The following TENM4 variants were observed in gnomAD, a reference collection of about 807,000 sequenced individuals.
TENM4 encodes teneurin transmembrane protein 4, also known as teneurin-4.
TENM4 carries 82 observed loss-of-function variants against 243.3 expected under a neutral mutation model. The ratio of observed to expected loss-of-function variants is 0.34; its 90% CI spans 0.28 to 0.40. TENM4 has a LOEUF of 0.40. Among genes scored for constraint, TENM4 ranks in the 10% least tolerant of loss-of-function variants. The probability of loss-of-function intolerance (pLI) is 1.00; values close to 1 mark genes in which losing one functional copy is unlikely to be tolerated. For synonymous variants in TENM4, 1,412 were observed against 1,456.3 expected (o/e 0.97, Z 0.69); for missense variants, 3,138 against 3,673.3 (o/e 0.85, Z 3.77).
intron 26 of TENM4, among the ~76,000 whole-genome samples, chr11:78,711,794 G>A (rs1193900445): frequency 2.0e-5 from 3 of 152,128 alleles, no homozygotes; most frequent in African/African-American, 7.2e-5. Context: ...AAACCCCCAT[G>A]AACAGCTCTT....
intron 3 of TENM4, among the ~76,000 whole-genome samples, chr11:79,196,155 ACTT>A (rs1025352464): frequency 5.3e-5 from 8 of 151,968 alleles, no homozygotes; most frequent in African/African-American, 1.9e-4. Context: ...GTCCTGTTAA[ACTT>A]CTTTTTGTTC....
chr11:78,881,135 T>G (rs1855422341), intron 9 of TENM4, among the ~76,000 whole-genome samples: 1 of 152,130 alleles, frequency 6.6e-6, no homozygotes, highest in Admixed American at 6.5e-5. Flanking sequence ...TAAGGGACAA[T>G]GTCTGAGCAG....
At chr11:78,767,770 T>C (rs541546709) in intron 18 of TENM4, among the ~76,000 whole-genome samples, 1 of 152,356 alleles carries the variant, frequency 6.6e-6, no homozygotes, top group South Asian at 2.1e-4. Flanking sequence ...TGATTTATCT[T>C]GGATTATGCT....
chr11:78,663,798 C>G lies in TENM4; in HGVS notation c.7409-2207G>C, dbSNP rs989968007. Among the ~76,000 whole-genome samples, 7 of 152,196 alleles carry G rather than the reference C, an allele frequency of 4.6e-5. No homozygotes were observed. In the South Asian group the frequency reaches 1.4e-3, roughly 32 times the overall value. Reference sequence around the variant, plus strand: ...ATTGTCACCTGCCACCCACTGAGTTCATCCTACTGGTGTGAGTGACTGTGT... The same window carrying G: ...ATTGTCACCTGCCACCCACTGAGTTGATCCTACTGGTGTGAGTGACTGTGT... On this transcript the variant is annotated intron_variant, in intron 32 of 33. Transcript: ENST00000278550.
intron 12 of TENM4, among the ~76,000 whole-genome samples, chr11:78,840,905 C>T (rs191760086): frequency 2.0e-5 from 3 of 152,280 alleles, no homozygotes; most frequent in East Asian, 1.9e-4. Flanking sequence ...GTTAATTTCT[C>T]GGAACCTTGT....
chr11:78,943,216 C>G (rs1441159932), intron 6 of TENM4, among the ~76,000 whole-genome samples: 2 of 152,174 alleles, frequency 1.3e-5, no homozygotes, highest in African/African-American at 2.4e-5. Context: ...GGGCAGGAGG[C>G]CCTGGAGGAA....
intron 2 of TENM4, among the ~76,000 whole-genome samples, chr11:79,242,361 A>G (rs1855436901): frequency 6.6e-6 from 1 of 152,174 alleles, no homozygotes; most frequent in African/African-American, 2.4e-5. Context: ...GATGACCAAT[A>G]GTTTCCAAAT....
rs530041379 is a variant in TENM4 at position 78,766,681 on chromosome 11, T to C, written c.2539+4311A>G. Among the ~76,000 whole-genome samples, 15 of 150,034 alleles carry C rather than the reference T, an allele frequency of 1.0e-4. No homozygotes were observed. In the South Asian group the frequency reaches 3.2e-3, roughly 32 times the overall value. On this transcript the variant is annotated intron_variant, in intron 18 of 33. Coordinates refer to ENST00000278550, the MANE Select transcript of TENM4 (RefSeq NM_001098816.3). ...CAAACTAATAAAGCTGCTCCCTGGCTCAGTCATACTGTTCGGCTCCCCCAA... is the reference window on the plus strand; with the variant it reads ...CAAACTAATAAAGCTGCTCCCTGGCCCAGTCATACTGTTCGGCTCCCCCAA...
Position 78,985,655 on chromosome 11 carries a change from C to G in TENM4, c.493+79083G>C, listed in dbSNP as rs185506789. On this transcript the variant is annotated intron_variant, in intron 6 of 33. Coordinates refer to ENST00000278550, the MANE Select transcript of TENM4 (RefSeq NM_001098816.3). ...TTATTGATTGGTAGGGCTTTCTGTA[C>G]GTTAAAGAAGTTAACCTATCTTATA... Among the ~76,000 whole-genome samples the G allele has an allele frequency of 5.3e-5, 8 of 152,268 alleles. No homozygotes were observed. In the East Asian group the frequency reaches 1.3e-3, roughly 26 times the overall value.
At chr11:78,727,578 TAA>T (rs1855545949) in intron 22 of TENM4, among the ~76,000 whole-genome samples, 1 of 152,212 alleles carries the variant, frequency 6.6e-6, no homozygotes, top group South Asian at 2.1e-4. Context: ...GAAAAATGTT[TAA>T]AGTCATTTAC....
chr11:79,102,027 A>G lies in TENM4; in HGVS notation c.-65-32018T>C, dbSNP rs376162841. Among the ~76,000 whole-genome samples the G allele has an allele frequency of 2.2e-3, 329 of 152,244 alleles. 17 individuals are homozygous for G. The South Asian group carries it at 0.065, about 30-fold the overall frequency. ...TTTCTACTGGCTTGGGCAAAGTATGACCTTGGGAAATTTCTTAACTTCTCC... is the reference window on the plus strand; with the variant it reads ...TTTCTACTGGCTTGGGCAAAGTATGGCCTTGGGAAATTTCTTAACTTCTCC... On this transcript the variant is annotated intron_variant, in intron 4 of 33. Coordinates refer to ENST00000278550, the MANE Select transcript of TENM4 (RefSeq NM_001098816.3).
rs748300251 is a variant in TENM4 at position 78,805,420 on chromosome 11, C to A, written c.2051G>T (p.Trp684Leu). 35 of 1,603,310 alleles carry A rather than the reference C, an allele frequency of 2.2e-5. No individual in the cohort carries two copies. The highest frequency in any genetic ancestry group is 2.9e-5 in the Non-Finnish European group (34 of 1,175,010). Residue 684 changes from tryptophan to leucine, a missense_variant, in exon 15 of 34, where the codon TGG (tryptophan) becomes TTG (leucine). Transcript: ENST00000278550. ...VRGECHCSVG[W>L]GGTNCETPRA... is the part of the protein sequence containing the mutation. ...GGGGGTCTCGCAGTTGGTGCCTCCC[C>A]ATCCCACAGAGCAGTGGCATTCGCC... is the stretch of plus-strand genomic sequence containing the variant.
At chr11:79,434,807 T>C (rs1268634627) in intron 1 of TENM4, among the ~76,000 whole-genome samples, 3 of 152,200 alleles carry the variant, frequency 2.0e-5, no homozygotes, top group Non-Finnish European at 4.4e-5. Flanking sequence ...TTTAGTATGG[T>C]ATCTGCCTTT....
intron 17 of TENM4, 106 bp downstream of exon 17, chr11:78,778,496 T>C: frequency 8.1e-7 from 1 of 1,235,418 alleles, no homozygotes; most frequent in Non-Finnish European, 1.1e-6. Context: ...CCAGACATCA[T>C]GCTTATGTGG....
chr11:78,676,160 G>C lies in TENM4; in HGVS notation c.5488C>G (p.Arg1830Gly), dbSNP rs1250643833. 13 of 1,512,488 alleles carry C rather than the reference G, an allele frequency of 8.6e-6. No homozygotes were observed. The highest frequency in any genetic ancestry group is 1.2e-5 in the Non-Finnish European group (13 of 1,118,124). The allele number at this position is 1,512,488 out of a possible 1,614,324, so 93.7% of individuals were successfully genotyped here. A position where few individuals can be genotyped will look rare whatever the true frequency, so the allele number is the denominator to read the frequency against. Reference protein sequence around the residue: ...ARGQVTVFGRRLRVHNRNLLS... With the variant: ...ARGQVTVFGRGLRVHNRNLLS... ...CCAGAGGCCTCGCTCACCCGCAGCC[G>C]GCGCCCAAAGACAGTGACCTGGCCC... The change falls in exon 30 of 34, where the codon CGG (arginine) becomes GGG (glycine). Residue 1830 changes from arginine to glycine, a missense_variant. Arg to Gly is a moderately radical substitution (Grantham distance 125). Around this residue, in one of 2 missense-constraint regions of TENM4, gnomAD observed 2,467 missense variants for 3,059.1 expected, o/e 0.81. Transcript: ENST00000278550.
chr11:79,373,175 C>T (rs1205287386), intron 1 of TENM4, among the ~76,000 whole-genome samples: 1 of 152,092 alleles, frequency 6.6e-6, no homozygotes, highest in Non-Finnish European at 1.5e-5. Context: ...TACTCAACGC[C>T]TGTTAGATGC....
chr11:79,081,479 G>T (rs997679791), intron 4 of TENM4, among the ~76,000 whole-genome samples: 2 of 152,024 alleles, frequency 1.3e-5, no homozygotes, highest in Non-Finnish European at 2.9e-5. Flanking sequence ...ATCAGCCTCT[G>T]ATCACAGCTG....
At chr11:79,111,902 G>A (rs1861517061) in intron 4 of TENM4, among the ~76,000 whole-genome samples, 3 of 152,152 alleles carry the variant, frequency 2.0e-5, no homozygotes, top group Non-Finnish European at 4.4e-5. Context: ...TTTATTAGAT[G>A]AAGAGCAGTG....
At chr11:79,249,153 T>C (rs1416428999) in intron 2 of TENM4, among the ~76,000 whole-genome samples, 1 of 152,242 alleles carries the variant, frequency 6.6e-6, no homozygotes, top group African/African-American at 2.4e-5. Flanking sequence ...AGCTTTTATC[T>C]AGTACTTACT....
Sources: gnomAD v4.1 joint callset for allele counts (sites outside exome capture counted in the v4.1 genomes callset) on GRCh38, gnomAD v4.1.1 for gene constraint, gnomAD v4.1.1 regional missense constraint, MANE v1.5 for transcripts, NCBI Gene and HGNC (gene_info 2026-07-23, HGNC 2026-07-21) for gene names.